Variants in DLD observed in about 807,000 individuals in gnomAD.
DLD encodes dihydrolipoyl dehydrogenase, mitochondrial.
In DLD, 36 loss-of-function variants were observed where a neutral mutation model predicts 62.2. The ratio of observed to expected loss-of-function variants is 0.58; its 90% confidence interval spans 0.44 to 0.76. The LOEUF is 0.76. Ranked by LOEUF, DLD falls within the 30% of genes least tolerant of loss-of-function variation. The probability of loss-of-function intolerance (pLI) is 0.00; values close to 1 mark genes in which losing one functional copy is unlikely to be tolerated. For missense variants in DLD, 541 were observed against 608.6 expected (o/e 0.89, Z 1.17); for synonymous variants, 204 against 199.6 (o/e 1.02, Z -0.19).
In DLD at chr7:107,893,276, C is replaced by T. The variant is rs766396602; in HGVS notation, c.116C>T (p.Pro39Leu). ...CCTCTGAGAACTTACGCAGATCAGC[C>T]GAGTAAGTACTTAAGTAAAACATTT... Reference protein sequence around the residue: ...AVPLRTYADQPIDADVTVIGS... With the variant: ...AVPLRTYADQLIDADVTVIGS... The change falls in exon 2 of 14, where the codon CCG (proline) becomes CTG (leucine). Residue 39 changes from proline to leucine, a missense_variant and splice_region_variant. Coordinates refer to ENST00000205402, the MANE Select transcript of DLD (RefSeq NM_000108.5). 20 of 1,610,140 alleles carry T rather than the reference C, an allele frequency of 1.2e-5. No homozygotes were observed. The highest frequency in any genetic ancestry group is 6.7e-5 in the East Asian group (3 of 44,794).
chr7:107,917,819 A>G, intron 11 of DLD, 105 bp from the exon 12 acceptor site: 4 of 1,480,544 alleles, frequency 2.7e-6, no homozygotes, highest in East Asian at 2.3e-5. Flanking sequence ...TTTGCGAACA[A>G]TTCCCTTCTT....
chr7:107,903,426 T>A, intron 4 of DLD, 52 bp from the exon 5 acceptor site: 2 of 1,138,310 alleles, frequency 1.8e-6, no homozygotes, highest in African/African-American at 1.5e-5. Context: ...TTTTGATTAT[T>A]TGAAGTCTGT....
chr7:107,897,050 G>A (rs2031744861), intron 2 of DLD, among the ~76,000 whole-genome samples: 1 of 152,070 alleles, frequency 6.6e-6, no homozygotes, highest in African/African-American at 2.4e-5. Context: ...GGCCATGCTG[G>A]TCTCGAACTC....
chr7:107,913,689 G>A (rs907806089), intron 8 of DLD, among the ~76,000 whole-genome samples: 71 of 152,100 alleles, frequency 4.7e-4, no homozygotes, highest in Middle Eastern at 3.4e-3. Context: ...AGATTAATTT[G>A]ACTTCTTCCT....
At chr7:107,916,332 T>C (rs1156768627) in intron 9 of DLD, among the ~76,000 whole-genome samples, 1 of 152,184 alleles carries the variant, frequency 6.6e-6, no homozygotes, top group Admixed American at 6.5e-5. Context: ...ATCTCTTTCA[T>C]TGTCTGACTC....
chr7:107,903,599 C>T (rs1170387311), intron 5 of DLD, 52 bp downstream of exon 5: 2 of 1,108,664 alleles, frequency 1.8e-6, no homozygotes, highest in East Asian at 2.4e-5. Context: ...TGACTTGGCT[C>T]TTCTGTCTAA....
At chr7:107,908,874 G>A (rs192732624) in intron 8 of DLD, among the ~76,000 whole-genome samples, 7 of 152,264 alleles carry the variant, frequency 4.6e-5, no homozygotes, top group Admixed American at 4.6e-4. Flanking sequence ...CTTGAAGGCA[G>A]GACCGAATTT....
intron 4 of DLD, 149 bp from the exon 5 acceptor site, chr7:107,903,329 G>GA: frequency 1.8e-6 from 1 of 545,086 alleles, no homozygotes; most frequent in South Asian, 1.7e-5. Flanking sequence ...GGTGAGCTGA[G>GA]ATGGCGCCAT....
chr7:107,894,687 T>A (rs1481146008), intron 2 of DLD, among the ~76,000 whole-genome samples: 3 of 152,216 alleles, frequency 2.0e-5, no homozygotes, highest in Non-Finnish European at 2.9e-5. Flanking sequence ...CAGTGCCTTC[T>A]ATTTGCCAGG....
chr7:107,901,931 A>C (rs773745813), intron 3 of DLD, 114 bp downstream of exon 3: 1 of 835,302 alleles, frequency 1.2e-6, no homozygotes, highest in Non-Finnish European at 2.0e-6. Context: ...AACTCTATAA[A>C]TTACTTGTAA....
rs182908448 is a variant in DLD at position 107,900,131 on chromosome 7, A to G, written c.119-1607A>G. On this transcript the variant is annotated intron_variant, in intron 2 of 13. Transcript: ENST00000205402. ...ACATATTTTTTCATGTATTATCTCA[A>G]TTATCATCTGCTATAACCAAAGAGA... Among the ~76,000 whole-genome samples, 157 of 152,242 alleles carry G rather than the reference A, an allele frequency of 1.0e-3. 1 individual carries two copies. The highest frequency in any genetic ancestry group is 3.6e-3 in the African/African-American group (148 of 41,562).
At chr7:107,914,694 G>A (rs191771454) in intron 8 of DLD, among the ~76,000 whole-genome samples, 1 of 152,082 alleles carries the variant, frequency 6.6e-6, no homozygotes, top group African/African-American at 2.4e-5. Flanking sequence ...TGAATTACCA[G>A]ATGATTTTAA....
chr7:107,898,171 A>C (rs2031777490), intron 2 of DLD, among the ~76,000 whole-genome samples: 1 of 151,732 alleles, frequency 6.6e-6, no homozygotes, highest in African/African-American at 2.4e-5. Flanking sequence ...TGTTTGAATC[A>C]CTTCACTGAA....
chr7:107,897,394 A>C (rs994241489), intron 2 of DLD, among the ~76,000 whole-genome samples: 3 of 152,122 alleles, frequency 2.0e-5, no homozygotes, highest in African/African-American at 7.2e-5. Context: ...TAGATTACTT[A>C]CTAGTTGTGT....
intron 2 of DLD, among the ~76,000 whole-genome samples, chr7:107,894,776 G>A (rs1224154793): frequency 6.6e-6 from 1 of 152,214 alleles, no homozygotes; most frequent in East Asian, 1.9e-4. Context: ...CCTTGACATT[G>A]AGTAAATCAT....
At chr7:107,902,479 C>G in intron 4 of DLD, 86 bp downstream of exon 4, 1 of 1,154,496 alleles carries the variant, frequency 8.7e-7, no homozygotes, top group Non-Finnish European at 1.3e-6. Flanking sequence ...TAGACAAATA[C>G]ACTTGTTAAA....
At chr7:107,898,404 C>T (rs934640932) in intron 2 of DLD, among the ~76,000 whole-genome samples, 1 of 151,510 alleles carries the variant, frequency 6.6e-6, no homozygotes, top group African/African-American at 2.4e-5. Context: ...CCTCAGCCTC[C>T]CGAGTAGCTG....
At chr7:107,901,655 G>C (rs1038843602) in intron 2 of DLD, 83 bp from the exon 3 acceptor site, 19 of 1,117,130 alleles carry the variant, frequency 1.7e-5, no homozygotes, top group African/African-American at 3.1e-5. Context: ...TAAGTATCGG[G>C]TTATTTGTTT....
chr7:107,909,272 TCTTATA>T (rs1433099069), intron 8 of DLD, among the ~76,000 whole-genome samples: 8 of 152,246 alleles, frequency 5.3e-5, no homozygotes, highest in African/African-American at 1.2e-4. Context: ...ATTCTGTCAC[TCTTATA>T]CTTAACTGCT....
Sources: gnomAD v4.1 joint callset for allele counts (sites outside exome capture counted in the v4.1 genomes callset) on GRCh38, gnomAD v4.1.1 for gene constraint, MANE v1.5 for transcripts, NCBI Gene and HGNC (gene_info 2026-07-23, HGNC 2026-07-21) for gene names.